The following ZZEF1 variants were observed in gnomAD, a reference collection of about 807,000 sequenced individuals.
ZZEF1 encodes zinc finger ZZ-type and EF-hand domain-containing protein 1.
A neutral mutation model predicts 342.8 loss-of-function variants in ZZEF1; 157 were observed. That is an observed-to-expected ratio of 0.46 (90% CI 0.40 to 0.52). The LOEUF (loss-of-function observed/expected upper bound fraction) is 0.52. Ranked by LOEUF, ZZEF1 falls within the 20% of genes least tolerant of loss-of-function variation. The pLI is 0.00. For missense variants in ZZEF1, 3,480 were observed against 3,725.6 expected, an observed-to-expected ratio of 0.93 and a Z score of 1.72; for synonymous variants, 1,505 against 1,429.1, an observed-to-expected ratio of 1.05 and a Z score of -1.20.
chr17:4,048,873 A>ATTTT (rs71144157), intron 37 of ZZEF1, among the ~76,000 whole-genome samples: 1,519 of 133,684 alleles, frequency 0.011, 20 homozygotes, highest in African/African-American at 0.023. Context: ...AGCCTGGATA[A>ATTTT]TTTTTTTTTT....
intron 1 of ZZEF1, among the ~76,000 whole-genome samples, chr17:4,128,235 C>G (rs1273221108): frequency 6.6e-6 from 1 of 151,014 alleles, no homozygotes; most frequent in Non-Finnish European, 1.5e-5. Context: ...GTAATCCCAG[C>G]TACTCAGGAG....
intron 11 of ZZEF1, among the ~76,000 whole-genome samples, chr17:4,091,681 G>A (rs976015343): frequency 3.3e-5 from 5 of 152,156 alleles, no homozygotes; most frequent in African/African-American, 7.2e-5. Flanking sequence ...GGAGGCTGAG[G>A]CAGGGGAATC....
chr17:4,014,294 A>C lies in ZZEF1; in HGVS notation c.8314+53T>G, dbSNP rs915356356. The stretch of plus-strand genomic sequence containing the variant: ...CCAGTAAGTTCCCTTCTCAATATTA[A>C]GTTTAAACACTGCCTGTGAAGAACC... On this transcript the variant is annotated intron_variant, in intron 50 of 54. Coordinates refer to ENST00000381638, the MANE Select transcript of ZZEF1 (RefSeq NM_015113.4). The surrounding 1 kb of genome is among the most constrained non-coding windows in gnomAD (Gnocchi z 4.4). The C allele has an allele frequency of 2.1e-5, 34 of 1,611,834 alleles. No homozygotes were observed. The highest frequency in any genetic ancestry group is 2.9e-5 in the Non-Finnish European group (34 of 1,178,242).
rs1268476800 is a variant in ZZEF1 at position 4,049,824 on chromosome 17, C to T, written c.5899G>A (p.Asp1967Asn). Residue 1967 changes from aspartate to asparagine, a missense_variant, in exon 37 of 55, where the codon GAT (aspartate) becomes AAT (asparagine). By Grantham distance (23) the Asp-to-Asn change is conservative. Transcript: ENST00000381638. Reference protein sequence around the residue: ...KALALLGVLPDGDSSLEDQAL... With the variant: ...KALALLGVLPNGDSSLEDQAL... Reference sequence around the variant, plus strand: ...TGATCTTCTAGGCTCGAGTCCCCATCTGGCAATACACCCAGCAAAGCTAGA... The same window carrying T: ...TGATCTTCTAGGCTCGAGTCCCCATTTGGCAATACACCCAGCAAAGCTAGA... 1 of 1,614,204 alleles carries T rather than the reference C, an allele frequency of 6.2e-7. No homozygotes were observed. The highest frequency in any genetic ancestry group is 8.5e-7 in the Non-Finnish European group (1 of 1,180,040).
In ZZEF1 at chr17:4,066,517, C is replaced by G; in HGVS notation, c.4179G>C (p.Leu1393=). Residue 1393 remains leucine, a synonymous_variant, in exon 28 of 55, where the codon CTG becomes CTC. Transcript: ENST00000381638. ...CTTCTGCTTCATTCCCCAGGCTCAT[C>G]AGGGACTTCTGCTTCATCTCTAACT... ...IWMLEMKQKS[L]MSLGNEAEEK... is the part of the protein sequence containing the mutation. The G allele has an allele frequency of 6.2e-7, 1 of 1,614,166 alleles. No homozygotes were observed. Among genetic ancestry groups the G allele is most frequent in the Non-Finnish European group, 8.5e-7 (1 of 1,180,026 alleles).
rs761343514 is a variant in ZZEF1 at position 4,105,799 on chromosome 17, G to A, written c.1288C>T (p.Arg430Trp). The change falls in exon 7 of 55, where the codon CGG (arginine) becomes TGG (tryptophan). Residue 430 changes from arginine to tryptophan, a missense_variant. By Grantham distance (101) the Arg-to-Trp change is moderately radical. Coordinates refer to ENST00000381638, the MANE Select transcript of ZZEF1 (RefSeq NM_015113.4). Reference sequence around the variant, plus strand: ...GAGAGAGAGAGTGGAGGCATGTGCCGCAGCGCCTTCCTAGAAGAGGAAAAT... The same window carrying A: ...GAGAGAGAGAGTGGAGGCATGTGCCACAGCGCCTTCCTAGAAGAGGAAAAT... ...TVLHNTQKAL[R>W]HMPPLSLSPG... The A allele has an allele frequency of 4.4e-6, 7 of 1,603,850 alleles. No individual in the cohort carries two copies. Among genetic ancestry groups the A allele is most frequent in the East Asian group, 2.2e-5 (1 of 44,690 alleles).
chr17:4,056,384 C>A, intron 32 of ZZEF1, 39 bp from the exon 33 acceptor site: 1 of 1,536,512 alleles, frequency 6.5e-7, no homozygotes, highest in South Asian at 1.3e-5. Context: ...CATGCCTCTC[C>A]CAATCACCAA....
At chr17:4,142,126 T>C (rs534574254) in intron 1 of ZZEF1, among the ~76,000 whole-genome samples, 7 of 152,224 alleles carry the variant, frequency 4.6e-5, no homozygotes, top group African/African-American at 7.2e-5. Context: ...TCCACACTTA[T>C]TCGGCGCCCA....
intron 3 of ZZEF1, among the ~76,000 whole-genome samples, chr17:4,115,631 C>G (rs950120945): frequency 6.6e-6 from 1 of 152,070 alleles, no homozygotes; most frequent in Non-Finnish European, 1.5e-5. Context: ...CCACTGCACA[C>G]CAGCCTGGGA....
At chr17:4,142,270 T>C (rs1407998473) in intron 1 of ZZEF1, among the ~76,000 whole-genome samples, 1 of 152,044 alleles carries the variant, frequency 6.6e-6, no homozygotes, top group East Asian at 1.9e-4. Flanking sequence ...ATCTCCAGAG[T>C]AGCGTCAATC....
chr17:4,084,307 T>C (rs74399213), intron 16 of ZZEF1, among the ~76,000 whole-genome samples: 117 of 151,434 alleles, frequency 7.7e-4, no homozygotes, highest in Admixed American at 4.5e-3. Flanking sequence ...TTTTTTTTTT[T>C]CCTCTCTGAT....
chr17:4,025,193 A>G (rs2056376260), intron 42 of ZZEF1, 75 bp from the exon 43 acceptor site: 1 of 1,392,582 alleles, frequency 7.2e-7, no homozygotes, highest in African/African-American at 1.4e-5. Flanking sequence ...TTTCTTCTAT[A>G]GTAACATGCC....
At position 4,008,332 on chromosome 17, in the gene ZZEF1, T is replaced by G; in HGVS notation, c.8805+551A>C. On this transcript the variant is annotated intron_variant, in intron 54 of 54. Coordinates refer to ENST00000381638, the MANE Select transcript of ZZEF1 (RefSeq NM_015113.4). This position sits in a 1 kb window ranked among gnomAD's most constrained non-coding sequence, Gnocchi z 4.2. Reference sequence around the variant, plus strand: ...AGTTAGAGTCGTTTTTCACAAGACGTGTTATTCATGTTAACATGAAATGGG... The same window carrying G: ...AGTTAGAGTCGTTTTTCACAAGACGGGTTATTCATGTTAACATGAAATGGG... 1 of 160,150 alleles carries G rather than the reference T, an allele frequency of 6.2e-6. No homozygotes were observed. Among genetic ancestry groups the G allele is most frequent in the Non-Finnish European group, 1.3e-5 (1 of 75,976 alleles). The allele number at this position is 160,150 out of a possible 1,614,324, so 9.9% of individuals were successfully genotyped here.
rs142663010 is a variant in ZZEF1, at chr17:4,040,036, G to A, written c.6306+2393C>T. Among the ~76,000 whole-genome samples the A allele has an allele frequency of 8.8e-4, 133 of 151,954 alleles. 1 individual carries two copies. Among genetic ancestry groups the A allele is most frequent in the African/African-American group, 2.9e-3 (122 of 41,410 alleles). ...TCTAATGAAACGTCTGAATTCCAAG[G>A]GTTAAAAAAAGAAAATATTTAGGCA... On this transcript the variant is annotated intron_variant, in intron 39 of 54. Transcript: ENST00000381638.
intron 18 of ZZEF1, among the ~76,000 whole-genome samples, chr17:4,080,223 A>G (rs1400006345): frequency 4.6e-5 from 7 of 152,176 alleles, no homozygotes; most frequent in Admixed American, 3.9e-4. Flanking sequence ...AATCCCTTAT[A>G]TTTTTTAAAA....
At chr17:4,126,133 G>C (rs2058568995) in intron 1 of ZZEF1, among the ~76,000 whole-genome samples, 1 of 150,416 alleles carries the variant, frequency 6.6e-6, no homozygotes, top group East Asian at 2.0e-4. Flanking sequence ...GGCTGAGGCA[G>C]AGAATTGCTT....
At chr17:4,129,957 A>C (rs540664551) in intron 1 of ZZEF1, among the ~76,000 whole-genome samples, 9 of 152,282 alleles carry the variant, frequency 5.9e-5, no homozygotes, top group African/African-American at 2.2e-4. Context: ...GTGGGAGCTA[A>C]ATGATGAGAA....
At chr17:4,052,891 C>T (rs896301811) in intron 34 of ZZEF1, among the ~76,000 whole-genome samples, 2 of 151,940 alleles carry the variant, frequency 1.3e-5, no homozygotes, top group African/African-American at 4.8e-5. Context: ...GGAGAAAAAA[C>T]CAGACCCAGA....
intron 1 of ZZEF1, among the ~76,000 whole-genome samples, chr17:4,132,444 A>G (rs996259934): frequency 3.3e-5 from 5 of 152,156 alleles, no homozygotes; most frequent in African/African-American, 2.4e-5. Flanking sequence ...TCCGCCTGTA[A>G]TCCCAGCACT....
Sources: allele counts gnomAD v4.1 joint callset (sites outside exome capture counted in the v4.1 genomes callset), GRCh38; gene constraint gnomAD v4.1.1; non-coding constraint Gnocchi (gnomAD v3.1); transcripts MANE v1.5; gene names NCBI Gene and HGNC (gene_info 2026-07-23, HGNC 2026-07-21).